Variants in RANBP2 observed in about 807,000 individuals in gnomAD.
RANBP2 encodes the protein E3 SUMO-protein ligase RanBP2.
In RANBP2, 57 loss-of-function variants were observed where a neutral mutation model predicts 303.6. The ratio of observed to expected loss-of-function variants is 0.19; its 90% CI spans 0.15 to 0.23. RANBP2 has a LOEUF of 0.23. Among genes scored for constraint, RANBP2 ranks in the 10% least tolerant of loss-of-function variants. The pLI, the probability that RANBP2 is intolerant of heterozygous loss-of-function variation, is 1.00. For synonymous variants in RANBP2, 1,167 were observed against 1,301.5 expected (o/e 0.90, Z 2.23); for missense variants, 3,138 against 3,780.8 (o/e 0.83, Z 4.46).
At chr2:108,994,717 C>T in the RANBP2 span, among the ~76,000 whole-genome samples, 1 of 150,632 alleles carries the variant, frequency 6.6e-6, no homozygotes, top group South Asian at 2.1e-4. Flanking sequence ...GATTATCATG[C>T]TATTAACCAG....
chr2:109,272,289 T>C, the RANBP2 span, among the ~76,000 whole-genome samples: 1 of 152,238 alleles, frequency 6.6e-6, no homozygotes, highest in Non-Finnish European at 1.5e-5. Flanking sequence ...AACTGGGTCT[T>C]GGAGCTGATG....
At chr2:109,201,570 A>G in the RANBP2 span, among the ~76,000 whole-genome samples, 9 of 151,906 alleles carry the variant, frequency 5.9e-5, no homozygotes, top group Non-Finnish European at 1.2e-4. Context: ...CTCCTCTTTC[A>G]GTTTTGAGGT....
At chr2:109,545,837 C>A in the RANBP2 span, 1 of 1,435,146 alleles carries the variant, frequency 7.0e-7, no homozygotes. Flanking sequence ...TTGGCAAATA[C>A]TGAACACATA....
the RANBP2 span, among the ~76,000 whole-genome samples, chr2:109,705,187 C>T: frequency 1.3e-5 from 2 of 152,002 alleles, no homozygotes; most frequent in Non-Finnish European, 2.9e-5. Context: ...GGCGGATCCC[C>T]TGAGTTCGGG....
At chr2:108,839,194 C>T in the RANBP2 span, 1 of 1,606,466 alleles carries the variant, frequency 6.2e-7, no homozygotes, top group African/African-American at 1.3e-5. Context: ...GCTTTTGCCT[C>T]TAATGACAGA....
chr2:109,375,060 G>A, the RANBP2 span, among the ~76,000 whole-genome samples: 1 of 152,166 alleles, frequency 6.6e-6, no homozygotes, highest in Non-Finnish European at 1.5e-5. Context: ...CCCCGCCCTG[G>A]ACATACGTAC....
chr2:109,498,792 G>A, the RANBP2 span, among the ~76,000 whole-genome samples: 1 of 152,230 alleles, frequency 6.6e-6, no homozygotes, highest in African/African-American at 2.4e-5. Context: ...GATGGGTTGG[G>A]TAAACAGGTG....
Position 108,768,012 on chromosome 2 carries a change from A to C in RANBP2, c.7473A>C (p.Ala2491=), listed in dbSNP as rs1175175623. 1.2e-6 allele frequency: 2 copies of C among 1,611,664 alleles called. No individual in the cohort carries two copies. Among genetic ancestry groups the C allele is most frequent in the East Asian group, 2.2e-5 (1 of 44,898 alleles). The stretch of plus-strand genomic sequence containing the variant: ...TTCAGGGTGATGATGTAGCAGATGC[A>C]ACTTCAGAAGTTGAAGTGTCTAGCA... ...DVIQGDDVAD[A]TSEVEVSSTS... The change falls in exon 20 of 29, where the codon GCA becomes GCC. Residue 2491 remains alanine (A), a synonymous_variant. Transcript: ENST00000283195.
At chr2:108,842,091 G>A in the RANBP2 span, among the ~76,000 whole-genome samples, 4 of 152,044 alleles carry the variant, frequency 2.6e-5, no homozygotes, top group African/African-American at 7.3e-5. Flanking sequence ...GTGCAGTGAT[G>A]ATCATAGATC....
chr2:108,907,203 G>C, the RANBP2 span, among the ~76,000 whole-genome samples: 1 of 152,226 alleles, frequency 6.6e-6, no homozygotes, highest in African/African-American at 2.4e-5. Flanking sequence ...GAAGAAAAAC[G>C]TTGTGTGTGT....
chr2:109,276,997 T>A, the RANBP2 span, among the ~76,000 whole-genome samples: 2 of 151,862 alleles, frequency 1.3e-5, no homozygotes, highest in Admixed American at 1.3e-4. Flanking sequence ...AGTGGGCAAA[T>A]GGACAGAATC....
the RANBP2 span, among the ~76,000 whole-genome samples, chr2:109,480,200 C>T: frequency 6.6e-5 from 10 of 152,350 alleles, no homozygotes; most frequent in African/African-American, 2.4e-4. Flanking sequence ...CCAACATCTG[C>T]ATGGCACCAA....
At chr2:108,832,374 T>G in the RANBP2 span, among the ~76,000 whole-genome samples, 1 of 140,048 alleles carries the variant, frequency 7.1e-6, no homozygotes, top group African/African-American at 2.7e-5. Context: ...TGAGACAGAG[T>G]TTCACTCTTG....
the RANBP2 span, among the ~76,000 whole-genome samples, chr2:108,947,391 G>A: frequency 6.6e-6 from 1 of 152,190 alleles, no homozygotes; most frequent in Non-Finnish European, 1.5e-5. Flanking sequence ...GAAAATGGTG[G>A]TGCTCGTCTC....
At chr2:109,644,423 T>C in the RANBP2 span, among the ~76,000 whole-genome samples, 2 of 152,220 alleles carry the variant, frequency 1.3e-5, no homozygotes, top group East Asian at 1.9e-4. Flanking sequence ...GCGAGGTGAA[T>C]GCCTCGGGCG....
the RANBP2 span, among the ~76,000 whole-genome samples, chr2:108,984,364 G>A: frequency 6.6e-6 from 1 of 152,164 alleles, no homozygotes; most frequent in African/African-American, 2.4e-5. Flanking sequence ...GAGCCACCAT[G>A]GCTGAACTTC....
At chr2:108,847,464 C>T in the RANBP2 span, among the ~76,000 whole-genome samples, 2 of 152,130 alleles carry the variant, frequency 1.3e-5, no homozygotes, top group African/African-American at 4.8e-5. Flanking sequence ...CTTGCACTAG[C>T]TTGTAAGTTT....
chr2:108,799,331 A>G, the RANBP2 span, among the ~76,000 whole-genome samples: 1 of 152,224 alleles, frequency 6.6e-6, no homozygotes, highest in Non-Finnish European at 1.5e-5. Flanking sequence ...TACTTGGAGT[A>G]AAATTCATTG....
chr2:108,800,638 T>TTTTTTTTTTTTTTTTTTTA, the RANBP2 span, among the ~76,000 whole-genome samples: 3 of 73,732 alleles, frequency 4.1e-5, no homozygotes, highest in African/African-American at 1.7e-4. Flanking sequence ...TTTTTTTTTT[T>TTTTTTTTTTTTTTTTTTTA]AATTATACTT....
Sources: allele counts gnomAD v4.1 joint callset (sites outside exome capture counted in the v4.1 genomes callset), GRCh38; gene constraint gnomAD v4.1.1; transcripts MANE v1.5; gene names NCBI Gene and HGNC (gene_info 2026-07-23, HGNC 2026-07-21).